The following SLC35A1 variants were observed in gnomAD, a reference collection of about 807,000 sequenced individuals.
SLC35A1 encodes solute carrier family 35 member A1.
In SLC35A1, 21 loss-of-function variants were observed where a neutral mutation model predicts 40.3. That is an observed-to-expected ratio of 0.52 (90% CI 0.37 to 0.75). The LOEUF (loss-of-function observed/expected upper bound fraction) is 0.75, where lower values mean the gene tolerates loss of function less well. SLC35A1 is among the 30% of genes least tolerant of loss of function. The pLI, the probability that SLC35A1 is intolerant of heterozygous loss-of-function variation, is 0.00. For synonymous variants in SLC35A1, 146 were observed against 147.3 expected (o/e 0.99, Z 0.06); for missense variants, 297 against 382.1 (o/e 0.78, Z 1.86).
intron 2 of SLC35A1, among the ~76,000 whole-genome samples, chr6:87,484,765 C>T (rs1348984750): frequency 6.6e-6 from 1 of 151,990 alleles, no homozygotes; most frequent in African/African-American, 2.4e-5. Flanking sequence ...AGAGGGTAAT[C>T]GGAAAAGGTG....
chr6:87,495,368 A>AAT (rs1276943199), intron 2 of SLC35A1, among the ~76,000 whole-genome samples: 1 of 152,240 alleles, frequency 6.6e-6, no homozygotes, highest in Admixed American at 6.5e-5. Context: ...TAACAAACCA[A>AAT]ATATATCTTA....
chr6:87,490,663 G>A (rs767814473), intron 2 of SLC35A1, among the ~76,000 whole-genome samples: 10 of 152,054 alleles, frequency 6.6e-5, no homozygotes, highest in African/African-American at 1.9e-4. Flanking sequence ...AGAAGGCAAC[G>A]GTGCATATGT....
chr6:87,504,013 A>G (rs541880152), intron 4 of SLC35A1, among the ~76,000 whole-genome samples: 2 of 152,218 alleles, frequency 1.3e-5, no homozygotes, highest in Non-Finnish European at 2.9e-5. Context: ...TAACTCACCT[A>G]CTTTTCTTGA....
At chr6:87,500,780 C>T (rs1173242550) in intron 3 of SLC35A1, 113 bp downstream of exon 3, 4 of 1,024,284 alleles carry the variant, frequency 3.9e-6, no homozygotes, top group Non-Finnish European at 5.8e-6. Flanking sequence ...TGGAGTCTCG[C>T]TCTTTCGTCT....
rs746214885 is a variant in SLC35A1, at chr6:87,509,065, A to G, written c.776A>G (p.Tyr259Cys). ...GTTCTTGCAAGTGTTGGTGGCCTCT[A>G]CACTTCTGTTGTGGTTAAGTACACA... ...VIFLASVGGL[Y>C]TSVVVKYTDN... Residue 259 changes from tyrosine (Y) to cysteine (C), a missense_variant, in exon 7 of 8, where the codon TAC becomes TGC. Physicochemically the swap from Tyr to Cys is radical, Grantham distance 194. Coordinates refer to ENST00000369552, the MANE Select transcript of SLC35A1 (RefSeq NM_006416.5). The G allele has an allele frequency of 1.9e-6, 3 of 1,613,938 alleles. No homozygotes were observed. The highest frequency in any genetic ancestry group is 2.7e-5 in the African/African-American group (2 of 74,898).
rs191490402 is a variant in SLC35A1 at position 87,503,309 on chromosome 6, G to T, written c.507+1999G>T. Among the ~76,000 whole-genome samples the T allele has an allele frequency of 5.3e-4, 81 of 152,288 alleles. 1 individual carries two copies. The highest frequency in any genetic ancestry group is 5.9e-4 in the Admixed American group (9 of 15,300). ...ACTGAAGACTTGACTACGGCTGGAGGATCTGTTTCTAACGTGGCTTATCTA... is the reference window on the plus strand; with the variant it reads ...ACTGAAGACTTGACTACGGCTGGAGTATCTGTTTCTAACGTGGCTTATCTA... On this transcript the variant is annotated intron_variant, in intron 4 of 7. Coordinates refer to ENST00000369552, the MANE Select transcript of SLC35A1 (RefSeq NM_006416.5).
At chr6:87,490,609 A>G (rs1769520890) in intron 2 of SLC35A1, among the ~76,000 whole-genome samples, 1 of 151,762 alleles carries the variant, frequency 6.6e-6, no homozygotes, top group Non-Finnish European at 1.5e-5. Flanking sequence ...TTTTTATTTG[A>G]AAAAAAGGAA....
chr6:87,492,445 T>C (rs1769581559), intron 2 of SLC35A1, among the ~76,000 whole-genome samples: 1 of 152,128 alleles, frequency 6.6e-6, no homozygotes, highest in Non-Finnish European at 1.5e-5. Context: ...TTTAGGGTTT[T>C]TTTGGGTCAG....
chr6:87,500,663 AC>A lies in SLC35A1; in HGVS notation c.352del (p.Gln118ArgfsTer2). 3.1e-6 allele frequency: 5 copies of A among 1,614,098 alleles called. No homozygotes were observed. The highest frequency in any genetic ancestry group is 4.2e-6 in the Non-Finnish European group (5 of 1,179,968). ...CTTAGCAATCTGGATGCAGCAGTGT[AC>A]CAGGTAAGTGGAGTTAATGATAATG... is the stretch of plus-strand genomic sequence containing the variant. ...LALSNLDAAV[Y>X]QVTYQLKIPC... On this transcript the variant is annotated frameshift_variant, in exon 3 of 8. Transcript: ENST00000369552. LOFTEE classifies it high-confidence loss of function.
At chr6:87,491,281 A>G (rs1482437883) in intron 2 of SLC35A1, among the ~76,000 whole-genome samples, 1 of 152,196 alleles carries the variant, frequency 6.6e-6, no homozygotes, top group South Asian at 2.1e-4. Context: ...TAGGTTTTGG[A>G]ACATTTCAGA....
In SLC35A1 at chr6:87,486,179, T is replaced by G. The variant is rs374165063; in HGVS notation, c.194+8640T>G. The stretch of plus-strand genomic sequence containing the variant: ...CTGTTTGCTCAGTAATGTTCTTTGC[T>G]TAGTGAATAGTCTTGGCTAATTGTT... On this transcript the variant is annotated intron_variant, in intron 2 of 7. Transcript: ENST00000369552. Among the ~76,000 whole-genome samples the G allele has an allele frequency of 5.9e-5, 9 of 152,332 alleles. No individual in the cohort carries two copies. In the East Asian group the frequency reaches 1.5e-3, roughly 26 times the overall value.
At chr6:87,510,260 C>T (rs969537884) in intron 7 of SLC35A1, among the ~76,000 whole-genome samples, 2 of 152,170 alleles carry the variant, frequency 1.3e-5, no homozygotes, top group African/African-American at 2.4e-5. Flanking sequence ...GTTTTTCTAC[C>T]TGATTTGGGT....
chr6:87,481,357 T>C (rs202042954), intron 2 of SLC35A1, among the ~76,000 whole-genome samples: 2 of 149,632 alleles, frequency 1.3e-5, no homozygotes, highest in Non-Finnish European at 3.0e-5. Context: ...GCGGAGGTTG[T>C]GGTGAGCCGA....
intron 4 of SLC35A1, among the ~76,000 whole-genome samples, chr6:87,504,721 A>C (rs1027382320): frequency 2.0e-5 from 3 of 152,218 alleles, no homozygotes; most frequent in Admixed American, 2.0e-4. Flanking sequence ...AATCAAGTCC[A>C]GATAAGCTGT....
chr6:87,500,058 C>A (rs1413338216), intron 2 of SLC35A1, among the ~76,000 whole-genome samples: 1 of 152,028 alleles, frequency 6.6e-6, no homozygotes. Context: ...GCTGAGATAG[C>A]GCCACTGCAC....
At chr6:87,496,407 A>G (rs1769726634) in intron 2 of SLC35A1, among the ~76,000 whole-genome samples, 1 of 152,226 alleles carries the variant, frequency 6.6e-6, no homozygotes, top group Non-Finnish European at 1.5e-5. Context: ...TGTCCTAGCT[A>G]GCAGTGTCAT....
At position 87,501,141 on chromosome 6, in the gene SLC35A1, C is replaced by A; in HGVS notation, c.355-17C>A. 1 of 1,591,232 alleles carries A rather than the reference C, an allele frequency of 6.3e-7. No individual in the cohort carries two copies. The highest frequency in any genetic ancestry group is 1.1e-5 in the South Asian group (1 of 90,608). ...CTAACATTAACTGAATTTATTAATT[C>A]ATTCTCTTTTTTTTAGGTGACCTAC... On this transcript the variant is annotated splice_polypyrimidine_tract_variant and intron_variant, in intron 3 of 7. Coordinates refer to ENST00000369552, the MANE Select transcript of SLC35A1 (RefSeq NM_006416.5).
chr6:87,486,396 A>G (rs921395827), intron 2 of SLC35A1, among the ~76,000 whole-genome samples: 1 of 152,172 alleles, frequency 6.6e-6, no homozygotes, highest in African/African-American at 2.4e-5. Flanking sequence ...GGTATTGTTA[A>G]TAAGATATAA....
At chr6:87,482,243 C>A (rs112720699) in intron 2 of SLC35A1, among the ~76,000 whole-genome samples, 4 of 129,680 alleles carry the variant, frequency 3.1e-5, no homozygotes, top group East Asian at 5.4e-4. Flanking sequence ...TTCTCCCCCC[C>A]CTCCTTTTTT....
Sources: allele counts gnomAD v4.1 joint callset (sites outside exome capture counted in the v4.1 genomes callset), GRCh38; gene constraint gnomAD v4.1.1; transcripts MANE v1.5; gene names NCBI Gene and HGNC (gene_info 2026-07-23, HGNC 2026-07-21).